SYCP2L: variants seen among roughly 807,000 people sequenced by gnomAD.
SYCP2L encodes synaptonemal complex protein 2-like.
SYCP2L carries 98 observed loss-of-function variants against 125.8 expected under a neutral mutation model. The observed-to-expected ratio is 0.78, with a 90% CI of 0.66 to 0.92. The LOEUF (loss-of-function observed/expected upper bound fraction) is 0.92, where lower values mean the gene tolerates loss of function less well. Ranked by LOEUF, SYCP2L falls within the 40% of genes least tolerant of loss-of-function variation. SYCP2L has a pLI of 0.00. For synonymous variants in SYCP2L, 317 were observed against 325.4 expected (o/e 0.97, Z 0.28); for missense variants, 842 against 936.4 (o/e 0.90, Z 1.32).
At chr6:10,963,631 C>T in intron 28 of SYCP2L, 151 bp from the exon 29 acceptor site, 1 of 700,316 alleles carries the variant, frequency 1.4e-6, no homozygotes, top group Non-Finnish European at 2.4e-6. Context: ...ATGTTAATCT[C>T]TTACGTTAAT....
rs923633439 is a variant in SYCP2L, at chr6:10,907,784, T to G, written c.819+100T>G. On this transcript the variant is annotated intron_variant, in intron 10 of 29. Coordinates refer to ENST00000283141, the MANE Select transcript of SYCP2L (RefSeq NM_001040274.3). ...TGGGCTTACGGGAGGATTTTTTTGC[T>G]TAAGTGTGATTACACTGCCATTCTT... 5.0e-6 allele frequency: 6 copies of G among 1,189,576 alleles called. No individual in the cohort carries two copies. The African/African-American group carries it at 7.6e-5, about 15-fold the overall frequency. 73.7% of individuals were successfully genotyped at this position (1,189,576 alleles called of 1,614,324 possible). A position where few individuals can be genotyped will look rare whatever the true frequency, so the allele number is the denominator to read the frequency against.
Position 10,888,066 on chromosome 6 carries a change from C to CTTTTTT in SYCP2L, c.9+974_9+979dup, listed in dbSNP as rs70991066. On this transcript the variant is annotated intron_variant, in intron 1 of 29. Coordinates refer to ENST00000283141, the MANE Select transcript of SYCP2L (RefSeq NM_001040274.3). Reference sequence around the variant, plus strand: ...AATCCTTCCATATAGGTGTTACCATCTTTTTTTTTTTTTTTTTTTTTTTTT... The same window carrying CTTTTTT: ...AATCCTTCCATATAGGTGTTACCATCTTTTTTTTTTTTTTTTTTTTTTTTTTTTTTT... Among the ~76,000 whole-genome samples, 4 of 74,316 alleles carry CTTTTTT rather than the reference C, an allele frequency of 5.4e-5. 1 individual carries two copies. Among genetic ancestry groups the CTTTTTT allele is most frequent in the Non-Finnish European group, 7.6e-5 (3 of 39,312 alleles). 48.8% of individuals were successfully genotyped at this position (74,316 alleles called of 152,430 possible).
At chr6:10,972,491 ACAG>A (rs1427361223) in intron 29 of SYCP2L, among the ~76,000 whole-genome samples, 1 of 152,188 alleles carries the variant, frequency 6.6e-6, no homozygotes, top group Non-Finnish European at 1.5e-5. Context: ...GGCTGGTGGT[ACAG>A]CAGCTTTAAG....
chr6:10,905,142 CAAA>C (rs34659978), intron 8 of SYCP2L, among the ~76,000 whole-genome samples: 3 of 54,662 alleles, frequency 5.5e-5, no homozygotes, highest in South Asian at 9.9e-4. Context: ...GACTTGGTCT[CAAA>C]AAAAAAAAAA....
At chr6:10,906,523 C>T (rs1418932939) in intron 9 of SYCP2L, among the ~76,000 whole-genome samples, 2 of 152,030 alleles carry the variant, frequency 1.3e-5, no homozygotes, top group Admixed American at 6.6e-5. Context: ...GAAATTTAAA[C>T]ATGTTGCTAC....
At chr6:10,929,036 G>A (rs1054458148) in intron 18 of SYCP2L, among the ~76,000 whole-genome samples, 1 of 151,626 alleles carries the variant, frequency 6.6e-6, no homozygotes, top group Non-Finnish European at 1.5e-5. Context: ...GGATTATAGG[G>A]GCATGCCACC....
chr6:10,958,219 T>A (rs11969966), intron 25 of SYCP2L, among the ~76,000 whole-genome samples: 2,023 of 151,746 alleles, frequency 0.013, 30 homozygotes, highest in African/African-American at 0.027. Flanking sequence ...TATTTTTTTT[T>A]AAAAAAAGAG....
At chr6:10,969,656 G>A (rs919956131) in intron 29 of SYCP2L, among the ~76,000 whole-genome samples, 14 of 152,040 alleles carry the variant, frequency 9.2e-5, no homozygotes, top group African/African-American at 3.4e-4. Flanking sequence ...GAGCCACCGC[G>A]CCTGGCCGGA....
intron 15 of SYCP2L, among the ~76,000 whole-genome samples, chr6:10,925,765 A>T (rs1213166262): frequency 6.6e-6 from 1 of 152,198 alleles, no homozygotes. Flanking sequence ...ATAAAGGGGA[A>T]ATCAGTCACT....
At chr6:10,944,004 A>G (rs1022630531) in intron 23 of SYCP2L, among the ~76,000 whole-genome samples, 2 of 152,208 alleles carry the variant, frequency 1.3e-5, no homozygotes, top group Non-Finnish European at 2.9e-5. Flanking sequence ...TAATGCCACT[A>G]TGAAGAATCA....
chr6:10,939,602 G>C (rs1781175918), intron 21 of SYCP2L, among the ~76,000 whole-genome samples: 1 of 152,112 alleles, frequency 6.6e-6, no homozygotes, highest in Non-Finnish European at 1.5e-5. Flanking sequence ...TTTGAAAAGG[G>C]CACCAAGAAT....
intron 23 of SYCP2L, among the ~76,000 whole-genome samples, chr6:10,943,800 C>G (rs1476353526): frequency 6.6e-6 from 1 of 152,086 alleles, no homozygotes; most frequent in Non-Finnish European, 1.5e-5. Context: ...TAAATGTAAA[C>G]AAATGACATT....
At chr6:10,964,521 C>T (rs575402754) in intron 29 of SYCP2L, among the ~76,000 whole-genome samples, 1 of 152,148 alleles carries the variant, frequency 6.6e-6, no homozygotes. Context: ...CACAATGCTC[C>T]AGTGAACATT....
Position 10,930,413 on chromosome 6 carries a change from A to T in SYCP2L, c.1532A>T (p.Asp511Val). The T allele has an allele frequency of 6.2e-7, 1 of 1,613,696 alleles. No homozygotes were observed. The highest frequency in any genetic ancestry group is 8.5e-7 in the Non-Finnish European group (1 of 1,179,800). ...CATCTCTTCTCTGAGAGTAATCAAGATTCAAGTACCAGTGAACTATCTTGG... is the reference window on the plus strand; with the variant it reads ...CATCTCTTCTCTGAGAGTAATCAAGTTTCAAGTACCAGTGAACTATCTTGG... ...RKHLFSESNQDSSTSELSWTS... is the reference protein window; with the variant it reads ...RKHLFSESNQVSSTSELSWTS... Residue 511 changes from aspartate to valine, a missense_variant, in exon 19 of 30, where the codon GAT becomes GTT. Physicochemically the swap from Asp to Val is radical, Grantham distance 152 (BLOSUM62 -3). Coordinates refer to ENST00000283141, the MANE Select transcript of SYCP2L (RefSeq NM_001040274.3).
At chr6:10,906,076 A>G (rs766936451) in intron 9 of SYCP2L, 22 bp downstream of exon 9, 1 of 1,509,914 alleles carries the variant, frequency 6.6e-7, no homozygotes, top group Non-Finnish European at 9.2e-7. Context: ...TAGAATTTTC[A>G]GTATTAGAAT....
At position 10,890,015 on chromosome 6, in the gene SYCP2L, C is replaced by G. The variant is rs544566077; in HGVS notation, c.10-1498C>G. ...CATTTAGCATAATGTCCTTCAGGCTCATGCATGTTACCATGAATGACAGGA... is the reference window on the plus strand; with the variant it reads ...CATTTAGCATAATGTCCTTCAGGCTGATGCATGTTACCATGAATGACAGGA... On this transcript the variant is annotated intron_variant, in intron 1 of 29. Transcript: ENST00000283141. Among the ~76,000 whole-genome samples, 89 of 152,350 alleles carry G rather than the reference C, an allele frequency of 5.8e-4. 1 individual carries two copies. In the South Asian group the frequency reaches 0.018, roughly 31 times the overall value.
intron 21 of SYCP2L, 109 bp from the exon 22 acceptor site, chr6:10,942,350 A>G: frequency 1.4e-6 from 1 of 722,206 alleles, no homozygotes; most frequent in South Asian, 2.1e-5. Flanking sequence ...TTCACTTAGA[A>G]CTGTGTTCCT....
intron 24 of SYCP2L, among the ~76,000 whole-genome samples, chr6:10,955,767 G>A (rs1344225259): frequency 6.6e-6 from 1 of 152,138 alleles, no homozygotes; most frequent in Non-Finnish European, 1.5e-5. Context: ...CACAATTTTT[G>A]TGAGACTTAA....
intron 8 of SYCP2L, among the ~76,000 whole-genome samples, chr6:10,905,543 C>T (rs1328255484): frequency 6.6e-6 from 1 of 152,142 alleles, no homozygotes; most frequent in Non-Finnish European, 1.5e-5. Flanking sequence ...CTGCCCGTCT[C>T]GGCCTCCCAA....
Sources: gnomAD v4.1 joint callset for allele counts (sites outside exome capture counted in the v4.1 genomes callset) on GRCh38, gnomAD v4.1.1 for gene constraint, MANE v1.5 for transcripts, NCBI Gene and HGNC (gene_info 2026-07-23, HGNC 2026-07-21) for gene names.